The following RAPGEF3 variants were observed in gnomAD, a reference collection of about 807,000 sequenced individuals.
The protein encoded by RAPGEF3 is 9330170P05Rik.
In RAPGEF3, 103 loss-of-function variants were observed where a neutral mutation model predicts 129.8. The observed-to-expected ratio is 0.79, with a 90% CI of 0.68 to 0.93. The LOEUF is 0.93. RAPGEF3 is among the 40% of genes least tolerant of loss of function. RAPGEF3 has a pLI of 0.00. For synonymous variants in RAPGEF3, 436 were observed against 482.6 expected (o/e 0.90, Z 1.26); for missense variants, 1,117 against 1,207.4 (o/e 0.93, Z 1.11).
rs1035392379 is a variant in RAPGEF3 at position 47,749,609 on chromosome 12, C to T, written c.895-73G>A. 1.3e-5 allele frequency: 21 copies of T among 1,558,354 alleles called. No homozygotes were observed. Among genetic ancestry groups the T allele is most frequent in the Non-Finnish European group, 1.6e-5 (19 of 1,152,738 alleles). On this transcript the variant is annotated intron_variant, in intron 9 of 27. Transcript: ENST00000449771. This position sits in a 1 kb window ranked among gnomAD's most constrained non-coding sequence, Gnocchi z 4.5. ...CCCAGCTCTTGCCAGGACAGACCCACGGCAGGAGAACAACCCACACAGGAG... is the reference window on the plus strand; with the variant it reads ...CCCAGCTCTTGCCAGGACAGACCCATGGCAGGAGAACAACCCACACAGGAG...
At chr12:47,737,753 G>A (rs1940868591) in intron 27 of RAPGEF3, 68 bp from the exon 28 acceptor site, 1 of 1,428,978 alleles carries the variant, frequency 7.0e-7, no homozygotes, top group Non-Finnish European at 9.8e-7. Context: ...CCCCTCCAAG[G>A]AGCCATATCA....
chr12:47,737,819 A>T, intron 27 of RAPGEF3, 134 bp from the exon 28 acceptor site: 2 of 1,113,216 alleles, frequency 1.8e-6, no homozygotes, highest in Non-Finnish European at 2.7e-6. Flanking sequence ...CCAATTCCTA[A>T]AGACGGCTGT....
chr12:47,742,967 C>T (rs1227852470), intron 18 of RAPGEF3, among the ~76,000 whole-genome samples: 1 of 152,200 alleles, frequency 6.6e-6, no homozygotes, highest in African/African-American at 2.4e-5. Flanking sequence ...ACTTAAGTTC[C>T]AAGACCAGCT....
intron 1 of RAPGEF3, 182 bp downstream of exon 1, chr12:47,758,369 T>C (rs1283225026): frequency 7.4e-6 from 11 of 1,481,442 alleles, no homozygotes; most frequent in Non-Finnish European, 9.9e-6. Flanking sequence ...GGATCTCCAC[T>C]ACCTCCCAGT....
Position 47,748,844 on chromosome 12 carries a change from G to T in RAPGEF3, c.1129C>A (p.Arg377=). Residue 377 remains arginine (R), a synonymous_variant, in exon 11 of 28, where the codon CGA becomes AGA. Transcript: ENST00000449771. ...CGGTTCCTGCCTGGGGTTGGGGGTCGGGAAGGGCCGGCGCCCTGAGAGGCT... is the reference window on the plus strand; with the variant it reads ...CGGTTCCTGCCTGGGGTTGGGGGTCTGGAAGGGCCGGCGCCCTGAGAGGCT... ...ERASQGAGPS[R]PPTPGRNRYT... 2.5e-6 allele frequency: 4 copies of T among 1,613,624 alleles called. No homozygotes were observed. Among genetic ancestry groups the T allele is most frequent in the Non-Finnish European group, 3.4e-6 (4 of 1,179,590 alleles).
In RAPGEF3 at chr12:47,734,728, G is replaced by C. The variant is rs960830855; in HGVS notation, c.*2839C>G. On this transcript the variant is annotated 3_prime_UTR_variant, in exon 28 of 28. Transcript: ENST00000449771. ...CTTGTGACTATTGGGAAGGAGAGCA[G>C]CCAGAGGCTGAGGGCTGTTGGAGAC... 3 of 152,294 alleles carry C rather than the reference G, an allele frequency of 2.0e-5. No individual in the cohort carries two copies. Among genetic ancestry groups the C allele is most frequent in the Non-Finnish European group, 4.4e-5 (3 of 68,064 alleles). 9.4% of individuals were successfully genotyped at this position (152,294 alleles called of 1,614,324 possible).
At position 47,747,580 on chromosome 12, in the gene RAPGEF3, A is replaced by G; in HGVS notation, c.1520T>C (p.Leu507Pro). 1 of 1,614,100 alleles carries G rather than the reference A, an allele frequency of 6.2e-7. No homozygotes were observed. Among genetic ancestry groups the G allele is most frequent in the South Asian group, 1.1e-5 (1 of 91,088 alleles). Reference protein sequence around the residue: ...VGRDTRLSNLLREQWPERRRC... With the variant: ...VGRDTRLSNLPREQWPERRRC... ...CCGCCTCTCTGGCCACTGCTCCCTC[A>G]GCAGGTTGCTGAGTCGGGTGTCCCT... Residue 507 changes from leucine to proline, a missense_variant, in exon 15 of 28, where the codon CTG (leucine) becomes CCG (proline). Leu to Pro is a moderately conservative substitution (Grantham distance 98, BLOSUM62 -3). Coordinates refer to ENST00000449771, the MANE Select transcript of RAPGEF3 (RefSeq NM_001098531.4).
At chr12:47,740,851 C>T (rs11168219) in intron 20 of RAPGEF3, 28 bp from the exon 21 acceptor site, 415,148 of 1,613,108 alleles carry the variant, frequency 0.26, 54,297 homozygotes, top group Middle Eastern at 0.35. Context: ...GAGAGGTCAG[C>T]GAGTGCTGAG....
chr12:47,737,832 C>T, intron 27 of RAPGEF3, 147 bp from the exon 28 acceptor site: 1 of 1,124,708 alleles, frequency 8.9e-7, no homozygotes, highest in South Asian at 1.3e-5. Flanking sequence ...ACGGCTGTCC[C>T]TGCCCACCCC....
intron 14 of RAPGEF3, 28 bp downstream of exon 14, chr12:47,747,684 A>G: frequency 6.2e-7 from 1 of 1,611,922 alleles, no homozygotes; most frequent in East Asian, 2.2e-5. Flanking sequence ...CGGGCAGCCC[A>G]GCCCCGCTGT....
intron 2 of RAPGEF3, among the ~76,000 whole-genome samples, chr12:47,754,969 C>G (rs1286482474): frequency 6.6e-6 from 1 of 152,234 alleles, no homozygotes; most frequent in Non-Finnish European, 1.5e-5. Flanking sequence ...GAGACAGGCA[C>G]AGAGCCAGAC....
At chr12:47,741,388 A>G in intron 19 of RAPGEF3, 117 bp downstream of exon 19, 1 of 988,158 alleles carries the variant, frequency 1.0e-6, no homozygotes, top group South Asian at 1.4e-5. Flanking sequence ...AGGACCCAGC[A>G]GCAGCCAGAG....
Position 47,738,008 on chromosome 12 carries a change from C to G in RAPGEF3, c.2653+14G>C. Reference sequence around the variant, plus strand: ...CACCCCCTCCCTGCCCACCCACCATCGCCCACCACTTACATGTGGAAATCC... The same window carrying G: ...CACCCCCTCCCTGCCCACCCACCATGGCCCACCACTTACATGTGGAAATCC... On this transcript the variant is annotated intron_variant, in intron 27 of 27. Transcript: ENST00000449771. 3 of 877,544 alleles carry G rather than the reference C, an allele frequency of 3.4e-6. No homozygotes were observed. The highest frequency in any genetic ancestry group is 5.3e-6 in the Non-Finnish European group (3 of 567,366). 54.4% of individuals were successfully genotyped at this position (877,544 alleles called of 1,614,324 possible).
intron 23 of RAPGEF3, 32 bp downstream of exon 23, chr12:47,740,109 C>G: frequency 6.2e-7 from 1 of 1,605,818 alleles, no homozygotes; most frequent in South Asian, 1.1e-5. Flanking sequence ...CTGATCCTAG[C>G]AGAGCCAGGC....
At position 47,758,017 on chromosome 12, in the gene RAPGEF3, A is replaced by C; in HGVS notation, c.68T>G (p.Leu23Arg). ...GAGGGCTCCCACCCGCGGTGCTCCC[A>C]GAGCTGGGCTATCCTCCACAGCCAG... The part of the protein sequence containing the change: ...VGLAVEDSPA[L>R]GAPRVGALPD... The change falls in exon 2 of 28, where the codon CTG becomes CGG. Residue 23 changes from leucine to arginine, a missense_variant. Around this residue, in one of 3 missense-constraint regions of RAPGEF3, gnomAD observed 367 missense variants for 373.4 expected, o/e 0.98. Coordinates refer to ENST00000449771, the MANE Select transcript of RAPGEF3 (RefSeq NM_001098531.4). 2 of 1,576,188 alleles carry C rather than the reference A, an allele frequency of 1.3e-6. No homozygotes were observed. The highest frequency in any genetic ancestry group is 2.3e-5 in the South Asian group (2 of 85,980).
chr12:47,747,975 T>G, intron 13 of RAPGEF3, 99 bp downstream of exon 13: 1 of 1,573,430 alleles, frequency 6.4e-7, no homozygotes, highest in South Asian at 1.1e-5. Context: ...CAGGCTGGCA[T>G]TTAAAGGGCT....
At position 47,749,481 on chromosome 12, in the gene RAPGEF3, T is replaced by C. The variant is rs750871908; in HGVS notation, c.950A>G (p.Asn317Ser). ...GDDFGQLALV[N>S]DAPRAATIIL... ...GATGGTGGCTGCCCGGGGTGCATCA[T>C]TCACCAGAGCCAGCTGTCCAAAATC... The change falls in exon 10 of 28, where the codon AAT becomes AGT. Residue 317 changes from asparagine to serine, a missense_variant. Transcript: ENST00000449771. The surrounding 1 kb of genome is among the most constrained non-coding windows in gnomAD (Gnocchi z 4.5). The C allele has an allele frequency of 2.5e-6, 4 of 1,612,832 alleles. No homozygotes were observed. Among genetic ancestry groups the C allele is most frequent in the Non-Finnish European group, 3.4e-6 (4 of 1,179,980 alleles).
At position 47,749,389 on chromosome 12, in the gene RAPGEF3, C is replaced by A; in HGVS notation, c.1041+1G>T. 1.2e-6 allele frequency: 2 copies of A among 1,612,034 alleles called. No homozygotes were observed. The highest frequency in any genetic ancestry group is 1.7e-6 in the Non-Finnish European group (2 of 1,179,998). On this transcript the variant is annotated splice_donor_variant, in intron 10 of 27. Transcript: ENST00000449771. LOFTEE classifies it high-confidence loss of function. The surrounding 1 kb of genome is among the most constrained non-coding windows in gnomAD (Gnocchi z 4.5). ...GCCCTCCCCAACCCCAGCAGCAGCA[C>A]CTTGATGATACGGTTGAAGTCCTGC...
At chr12:47,741,392 G>A in intron 19 of RAPGEF3, 113 bp downstream of exon 19, 1 of 1,036,526 alleles carries the variant, frequency 9.6e-7, no homozygotes. Context: ...CCCAGCAGCA[G>A]CCAGAGCCAG....
Sources: allele counts gnomAD v4.1 joint callset (sites outside exome capture counted in the v4.1 genomes callset), GRCh38; gene constraint gnomAD v4.1.1; regional missense constraint gnomAD v4.1.1; non-coding constraint Gnocchi (gnomAD v3.1); transcripts MANE v1.5; gene names NCBI Gene and HGNC (gene_info 2026-07-23, HGNC 2026-07-21).